Variants in UACA observed in about 807,000 individuals in gnomAD.
The protein encoded by UACA is nuclear membrane binding protein.
Under a neutral mutation model 160.5 loss-of-function variants are expected in UACA, and 112 were observed. The observed-to-expected ratio is 0.70, with a 90% CI of 0.60 to 0.82. The LOEUF is 0.82. Among genes scored for constraint, UACA ranks in the 40% least tolerant of loss-of-function variants. The probability of loss-of-function intolerance (pLI) is 0.00; values close to 1 mark genes in which losing one functional copy is unlikely to be tolerated. For synonymous variants in UACA, 557 were observed against 568.4 expected, an observed-to-expected ratio of 0.98 and a Z score of 0.29; for missense variants, 1,574 against 1,614.6, an observed-to-expected ratio of 0.97 and a Z score of 0.43.
intron 1 of UACA, among the ~76,000 whole-genome samples, chr15:70,752,624 TAAAC>T (rs942541848): frequency 1.3e-5 from 2 of 151,838 alleles, no homozygotes; most frequent in African/African-American, 4.8e-5. Context: ...AGAAGAAAAT[TAAAC>T]AAGAGTCAAT....
At chr15:70,708,720 G>A (rs142720798) in intron 1 of UACA, among the ~76,000 whole-genome samples, 13 of 152,162 alleles carry the variant, frequency 8.5e-5, no homozygotes, top group African/African-American at 2.9e-4. Flanking sequence ...ATCTGCCCAC[G>A]TCGGCCTCCC....
Position 70,667,236 on chromosome 15 carries a change from T to G in UACA, c.3448A>C (p.Thr1150Pro), listed in dbSNP as rs756787230. 6.2e-7 allele frequency: 1 copy of G among 1,613,970 alleles called. No individual in the cohort carries two copies. Among genetic ancestry groups the G allele is most frequent in the East Asian group, 2.2e-5 (1 of 44,872 alleles). ...TTCTCCAACAATTGATGCAGTTTGG[T>G]CACTGTCTGCTGCTCTTTCTCGTAA... is the stretch of plus-strand genomic sequence containing the variant. ...RCYEKEQQTV[T>P]KLHQLLENQK... Residue 1150 changes from threonine (T) to proline (P), a missense_variant, in exon 16 of 19, where the codon ACC becomes CCC. Physicochemically the swap from Thr to Pro is conservative, Grantham distance 38 (BLOSUM62 -1). Coordinates refer to ENST00000322954, the MANE Select transcript of UACA (RefSeq NM_018003.4).
chr15:70,663,082 A>G (rs557235087), intron 17 of UACA, among the ~76,000 whole-genome samples: 1 of 152,364 alleles, frequency 6.6e-6, no homozygotes, highest in East Asian at 1.9e-4. Flanking sequence ...GGCAACCTAC[A>G]GAATGGGAGA....
chr15:70,765,464 C>T (rs1167560988), upstream of UACA, among the ~76,000 whole-genome samples: 1 of 152,120 alleles, frequency 6.6e-6, no homozygotes, highest in Admixed American at 6.5e-5. Context: ...CTTCCCTGAT[C>T]AAGTAACTGG....
chr15:70,659,395 G>GTTTTTTTTTTTTGTTTTT (rs1896608408), intron 18 of UACA, among the ~76,000 whole-genome samples: 1 of 18,818 alleles, frequency 5.3e-5, no homozygotes, highest in East Asian at 2.3e-3. Flanking sequence ...TTTTTTGTTT[G>GTTTTTTTTTTTTGTTTTT]TTTTTTTTTT....
At position 70,729,319 on chromosome 15, in the gene UACA, T is replaced by C. The variant is rs528336231; in HGVS notation, c.79-29659A>G. Among the ~76,000 whole-genome samples the C allele has an allele frequency of 5.9e-5, 9 of 151,988 alleles. 1 individual carries two copies. In the South Asian group the frequency reaches 1.9e-3, roughly 32 times the overall value. The stretch of plus-strand genomic sequence containing the variant: ...TCAAGAGTGGACTGGAAAAAGAAAA[T>C]GTGGTACATATATACCATGGAATAC... On this transcript the variant is annotated intron_variant, in intron 1 of 18. Coordinates refer to ENST00000322954, the MANE Select transcript of UACA (RefSeq NM_018003.4).
In UACA at chr15:70,664,644, G is replaced by A. The variant is rs201600633; in HGVS notation, c.4113+18C>T. 1.0e-4 allele frequency: 163 copies of A among 1,599,794 alleles called. No individual in the cohort carries two copies. The highest frequency in any genetic ancestry group is 2.2e-4 in the East Asian group (10 of 44,458). On this transcript the variant is annotated intron_variant, in intron 17 of 18. Coordinates refer to ENST00000322954, the MANE Select transcript of UACA (RefSeq NM_018003.4). ...CCAGCACATATTCCTGCAAAGCCCC[G>A]TGTGCCTGGTTACTCACGGCCAGCT...
chr15:70,663,431 T>C (rs1004219896), intron 17 of UACA, among the ~76,000 whole-genome samples: 5 of 152,180 alleles, frequency 3.3e-5, no homozygotes, highest in South Asian at 2.1e-4. Context: ...CTAGTTCAAC[T>C]ATTGTGGAAG....
At chr15:70,684,488 A>C (rs1475104350) in intron 7 of UACA, 42 bp from the exon 8 acceptor site, 1 of 1,563,550 alleles carries the variant, frequency 6.4e-7, no homozygotes, top group African/African-American at 1.4e-5. Flanking sequence ...AGAAAACTCC[A>C]AGGAAATATT....
intron 1 of UACA, among the ~76,000 whole-genome samples, chr15:70,704,816 T>C (rs1898478181): frequency 6.6e-6 from 1 of 152,256 alleles, no homozygotes; most frequent in South Asian, 2.1e-4. Context: ...AGTTGTTTAA[T>C]TGAGCAATGA....
chr15:70,676,447 C>T, intron 13 of UACA, 46 bp downstream of exon 13: 1 of 1,283,166 alleles, frequency 7.8e-7, no homozygotes, highest in South Asian at 1.2e-5. Context: ...AAGAGCCTTA[C>T]CATTACCCAT....
At chr15:70,674,184 T>C (rs1897232247) in intron 13 of UACA, among the ~76,000 whole-genome samples, 2 of 152,072 alleles carry the variant, frequency 1.3e-5, no homozygotes, top group African/African-American at 2.4e-5. Flanking sequence ...TTTTTAATGG[T>C]TGCTGTTATA....
At chr15:70,752,744 G>A (rs1035486875) in intron 1 of UACA, among the ~76,000 whole-genome samples, 3 of 151,814 alleles carry the variant, frequency 2.0e-5, no homozygotes, top group Non-Finnish European at 2.9e-5. Flanking sequence ...TATTAAAAAC[G>A]CATCATCTCC....
intron 2 of UACA, among the ~76,000 whole-genome samples, chr15:70,698,205 A>G (rs1025635186): frequency 1.3e-5 from 2 of 152,218 alleles, no homozygotes; most frequent in Admixed American, 1.3e-4. Flanking sequence ...ACCTTATATC[A>G]AGAACTCCAA....
At chr15:70,766,428 A>AT (rs149384942), upstream of UACA, among the ~76,000 whole-genome samples, 27,444 of 151,574 alleles carry the variant, frequency 0.18, 3,780 homozygotes, top group African/African-American at 0.39. Flanking sequence ...TATATAAAAT[A>AT]TTTTTTTGTT....
At chr15:70,738,259 G>A (rs1566995256) in intron 1 of UACA, among the ~76,000 whole-genome samples, 1 of 151,032 alleles carries the variant, frequency 6.6e-6, no homozygotes, top group Non-Finnish European at 1.5e-5. Flanking sequence ...CTATTAATTG[G>A]TCTCCCTGCT....
intron 2 of UACA, 75 bp from the exon 3 acceptor site, chr15:70,695,180 C>A: frequency 1.0e-6 from 1 of 991,860 alleles, no homozygotes; most frequent in East Asian, 2.7e-5. Flanking sequence ...TAATGTCACC[C>A]TTTTTCAACA....
chr15:70,764,410 A>T (rs564199512), upstream of UACA, among the ~76,000 whole-genome samples: 1 of 152,334 alleles, frequency 6.6e-6, no homozygotes, highest in Admixed American at 6.5e-5. Context: ...ATTTAAGAGG[A>T]TGAAGAAACA....
At chr15:70,770,045 A>C in the UACA span, among the ~76,000 whole-genome samples, 1 of 152,338 alleles carries the variant, frequency 6.6e-6, no homozygotes, top group East Asian at 1.9e-4. Flanking sequence ...GGTTAATTTA[A>C]AAAAATACTT....
Sources: gnomAD v4.1 joint callset for allele counts (sites outside exome capture counted in the v4.1 genomes callset) on GRCh38, gnomAD v4.1.1 for gene constraint, MANE v1.5 for transcripts, NCBI Gene and HGNC (gene_info 2026-07-23, HGNC 2026-07-21) for gene names.